The following ZNF800 variants were observed in gnomAD, a reference collection of about 807,000 sequenced individuals.
ZNF800 encodes the protein zinc finger protein 800.
ZNF800 carries 13 observed loss-of-function variants against 59.5 expected under a neutral mutation model. That is an observed-to-expected ratio of 0.22 (90% CI 0.14 to 0.35). ZNF800 has a LOEUF of 0.35. Ranked by LOEUF, ZNF800 falls within the 10% of genes least tolerant of loss-of-function variation. The pLI is 1.00. For missense variants in ZNF800, 621 were observed against 783.7 expected (o/e 0.79, Z 2.48); for synonymous variants, 266 against 265.7 (o/e 1.00, Z -0.01).
chr7:127,352,719 T>G (rs906112713), intron 1 of ZNF800, among the ~76,000 whole-genome samples: 35 of 152,354 alleles, frequency 2.3e-4, no homozygotes, highest in African/African-American at 7.0e-4. Flanking sequence ...TACACTACTA[T>G]GAAGCCGGTT....
chr7:127,378,245 A>C (rs1262647125), intron 3 of ZNF800, among the ~76,000 whole-genome samples: 19 of 152,088 alleles, frequency 1.2e-4, no homozygotes, highest in Admixed American at 1.2e-3. Flanking sequence ...GGCAGAGAAA[A>C]AATAAATGGT....
chr7:127,380,278 G>A (rs921305411), intron 3 of ZNF800, among the ~76,000 whole-genome samples: 12 of 151,884 alleles, frequency 7.9e-5, no homozygotes, highest in Non-Finnish European at 1.8e-4. Flanking sequence ...GATGCTCACC[G>A]CTACCCCAGC....
chr7:127,348,502 C>A (rs1800113221), intron 1 of ZNF800, among the ~76,000 whole-genome samples: 1 of 150,560 alleles, frequency 6.6e-6, no homozygotes, highest in Non-Finnish European at 1.5e-5. Flanking sequence ...TTTCTTACAG[C>A]GAATACTAAA....
intron 3 of ZNF800, among the ~76,000 whole-genome samples, chr7:127,383,519 A>C (rs7779672): frequency 6.6e-6 from 1 of 152,088 alleles, no homozygotes; most frequent in Non-Finnish European, 1.5e-5. Context: ...GGGTGTGCTT[A>C]GGAGTAGAGT....
At chr7:127,352,493 G>A (rs1438940189) in intron 1 of ZNF800, among the ~76,000 whole-genome samples, 7 of 152,210 alleles carry the variant, frequency 4.6e-5, no homozygotes, top group Non-Finnish European at 1.0e-4. Context: ...AGTGGCAGTT[G>A]CATTCCTATG....
chr7:127,391,636 C>T (rs1801320636), intron 1 of ZNF800, 21 bp from the exon 2 acceptor site: 1 of 1,331,802 alleles, frequency 7.5e-7, no homozygotes, highest in Non-Finnish European at 1.1e-6. Context: ...AAGCACAAAC[C>T]CGTCACTCGC....
In ZNF800 at chr7:127,377,417, A is replaced by T. The variant is rs1800818856; in HGVS notation, c.158-88T>A. The stretch of plus-strand genomic sequence containing the variant: ...TGGACAACCACTGTTGACAGACCAA[A>T]AGTGCAGTTACTCTTTGAAAACAAA... On this transcript the variant is annotated intron_variant, in intron 3 of 5. Coordinates refer to ENST00000265827, the MANE Select transcript of ZNF800 (RefSeq NM_176814.5). This position sits in a 1 kb window ranked among gnomAD's most constrained non-coding sequence, Gnocchi z 4.7. The T allele has an allele frequency of 2.7e-6, 3 of 1,099,020 alleles. No individual in the cohort carries two copies. Among genetic ancestry groups the T allele is most frequent in the Non-Finnish European group, 3.8e-6 (3 of 784,832 alleles). The allele number at this position is 1,099,020 out of a possible 1,614,324, so 68.1% of individuals were successfully genotyped here.
intron 3 of ZNF800, among the ~76,000 whole-genome samples, chr7:127,383,954 G>A (rs1801051879): frequency 6.6e-6 from 1 of 151,920 alleles, no homozygotes; most frequent in African/African-American, 2.4e-5. Flanking sequence ...AACATAAAAT[G>A]GCTTTGGAAT....
intron 1 of ZNF800, chr7:127,362,537 T>C (rs1186351241): frequency 1.3e-5 from 2 of 152,184 alleles, no homozygotes; most frequent in African/African-American, 4.8e-5. Context: ...ACTTTGCTAT[T>C]ATCCATCCAC....
At chr7:127,385,295 T>C (rs539702711) in intron 3 of ZNF800, among the ~76,000 whole-genome samples, 2 of 152,278 alleles carry the variant, frequency 1.3e-5, no homozygotes, top group Non-Finnish European at 2.9e-5. Context: ...TCTGAGTGAA[T>C]ACTCTGTAAT....
At chr7:127,378,651 T>C (rs1238676049) in intron 3 of ZNF800, among the ~76,000 whole-genome samples, 2 of 152,018 alleles carry the variant, frequency 1.3e-5, no homozygotes, top group African/African-American at 4.8e-5. Context: ...TGTTTACATT[T>C]AATCTTTGAA....
rs1002721251 is a variant in ZNF800 at position 127,373,120 on chromosome 7, T to C, written c.1994+222A>G. 4 of 985,316 alleles carry C rather than the reference T, an allele frequency of 4.1e-6. No individual in the cohort carries two copies. The Admixed American group carries it at 2.5e-4, about 61-fold the overall frequency. 61.0% of individuals were successfully genotyped at this position (985,316 alleles called of 1,614,324 possible). A position where few individuals can be genotyped will look rare whatever the true frequency, so the allele number is the denominator to read the frequency against. On this transcript the variant is annotated intron_variant, in intron 5 of 5. Coordinates refer to ENST00000265827, the MANE Select transcript of ZNF800 (RefSeq NM_176814.5). ...TACCTACAACTACATTGCATTGTCC[T>C]GTGGAAGATAAGTTCTGAAGTTAAC...
intron 3 of ZNF800, among the ~76,000 whole-genome samples, chr7:127,385,762 A>G (rs1801121860): frequency 6.6e-6 from 1 of 152,148 alleles, no homozygotes; most frequent in Admixed American, 6.5e-5. Flanking sequence ...ATGCCAAAAG[A>G]TATCAATGGA....
chr7:127,366,405 A>G (rs2117069298), downstream of ZNF800, among the ~76,000 whole-genome samples: 1 of 152,304 alleles, frequency 6.6e-6, no homozygotes, highest in African/African-American at 2.4e-5. Context: ...GCAGCAACTG[A>G]TGCGGTGGCC....
chr7:127,375,124 A>C, intron 4 of ZNF800, 90 bp from the exon 5 acceptor site: 3 of 1,036,716 alleles, frequency 2.9e-6, no homozygotes, highest in Non-Finnish European at 4.0e-6. Flanking sequence ...CCTCTATCTC[A>C]GAATATATCA....
chr7:127,385,552 T>A (rs1158388068), intron 3 of ZNF800, among the ~76,000 whole-genome samples: 1 of 152,174 alleles, frequency 6.6e-6, no homozygotes, highest in South Asian at 2.1e-4. Flanking sequence ...TGGAATATTG[T>A]CTTTCTTCTA....
At chr7:127,386,851 T>C (rs1321740107) in intron 2 of ZNF800, among the ~76,000 whole-genome samples, 1 of 152,180 alleles carries the variant, frequency 6.6e-6, no homozygotes, top group Non-Finnish European at 1.5e-5. Flanking sequence ...CAATAATTGT[T>C]AAGCAACAAA....
At chr7:127,383,589 C>G (rs954608257) in intron 3 of ZNF800, among the ~76,000 whole-genome samples, 4 of 152,130 alleles carry the variant, frequency 2.6e-5, no homozygotes, top group African/African-American at 9.7e-5. Flanking sequence ...GTTATACAGT[C>G]CAGACTTCCA....
At position 127,373,333 on chromosome 7, in the gene ZNF800, G is replaced by C; in HGVS notation, c.1994+9C>G. 1.9e-6 allele frequency: 3 copies of C among 1,566,386 alleles called. No individual in the cohort carries two copies. The highest frequency in any genetic ancestry group is 1.7e-6 in the Non-Finnish European group (2 of 1,158,702). On this transcript the variant is annotated intron_variant, in intron 5 of 5. Transcript: ENST00000265827. ...GGAAAAAAGCAAAACTCTGTTAACT[G>C]TTCCTCACCAGACAAGAGCCTTAGA...
Sources: gnomAD v4.1 joint callset for allele counts (sites outside exome capture counted in the v4.1 genomes callset) on GRCh38, gnomAD v4.1.1 for gene constraint, Gnocchi (gnomAD v3.1) non-coding constraint, MANE v1.5 for transcripts, NCBI Gene and HGNC (gene_info 2026-07-23, HGNC 2026-07-21) for gene names.